The following CDH20 variants were observed in gnomAD, a reference collection of about 807,000 sequenced individuals.
CDH20 encodes the protein cadherin 20.
In CDH20, 29 loss-of-function variants were observed where a neutral mutation model predicts 74.2. That is an observed-to-expected ratio of 0.39 (90% CI 0.29 to 0.53). The LOEUF is 0.53. Among genes scored for constraint, CDH20 ranks in the 20% least tolerant of loss-of-function variants. The pLI, the probability that CDH20 is intolerant of heterozygous loss-of-function variation, is 0.69. For missense variants in CDH20, 988 were observed against 1,048.3 expected (o/e 0.94, Z 0.79); for synonymous variants, 469 against 405.4 (o/e 1.16, Z -1.88).
At chr18:61,471,211 A>G (rs1437400876) in intron 1 of CDH20, among the ~76,000 whole-genome samples, 1 of 152,190 alleles carries the variant, frequency 6.6e-6, no homozygotes, top group African/African-American at 2.4e-5. Context: ...ATGTTTGTAG[A>G]TAAGGTCACT....
At chr18:61,334,565 C>A (rs1047931621) in intron 1 of CDH20, among the ~76,000 whole-genome samples, 1 of 152,136 alleles carries the variant, frequency 6.6e-6, no homozygotes, top group African/African-American at 2.4e-5. Context: ...TCAAATGGGG[C>A]TAAAGTTTCA....
intron 1 of CDH20, among the ~76,000 whole-genome samples, chr18:61,461,652 C>A (rs757827660): frequency 2.6e-5 from 4 of 152,084 alleles, no homozygotes; most frequent in Non-Finnish European, 4.4e-5. Flanking sequence ...AATGCACAAA[C>A]AAAGCGAGGA....
chr18:61,464,498 C>T (rs1909896071), intron 1 of CDH20, among the ~76,000 whole-genome samples: 1 of 152,178 alleles, frequency 6.6e-6, no homozygotes, highest in Non-Finnish European at 1.5e-5. Context: ...CATGTCACTG[C>T]TAGCAAAGAC....
intron 7 of CDH20, among the ~76,000 whole-genome samples, chr18:61,533,447 C>A (rs1487483602): frequency 6.6e-6 from 1 of 152,184 alleles, no homozygotes. Context: ...GCCTGATATT[C>A]AGCAAATGGC....
intron 1 of CDH20, among the ~76,000 whole-genome samples, chr18:61,424,591 T>G (rs1017451080): frequency 6.6e-6 from 1 of 152,248 alleles, no homozygotes; most frequent in African/African-American, 2.4e-5. Flanking sequence ...AGAATTTGTA[T>G]GTACTAATTT....
intron 1 of CDH20, among the ~76,000 whole-genome samples, chr18:61,445,522 A>C (rs1909171164): frequency 6.6e-6 from 1 of 152,196 alleles, no homozygotes; most frequent in African/African-American, 2.4e-5. Flanking sequence ...ACAAGGTCCC[A>C]TTATTCTCAT....
At chr18:61,529,573 G>A (rs1286400135) in intron 7 of CDH20, among the ~76,000 whole-genome samples, 1 of 152,122 alleles carries the variant, frequency 6.6e-6, no homozygotes, top group African/African-American at 2.4e-5. Context: ...TATAAACTAG[G>A]ATGGGGAGAG....
At chr18:61,391,754 A>C (rs1004631092) in intron 1 of CDH20, 2 of 152,296 alleles carry the variant, frequency 1.3e-5, no homozygotes, top group African/African-American at 4.8e-5. Flanking sequence ...ATGAAAAAAA[A>C]ATACAAATGA....
intron 6 of CDH20, among the ~76,000 whole-genome samples, chr18:61,517,010 C>A (rs117144720): frequency 6.6e-6 from 1 of 152,056 alleles, no homozygotes; most frequent in East Asian, 1.9e-4. Context: ...TAAAAACTCA[C>A]GCTAGTGCTT....
intron 1 of CDH20, among the ~76,000 whole-genome samples, chr18:61,446,903 C>T (rs1234525085): frequency 1.3e-5 from 2 of 152,158 alleles, no homozygotes; most frequent in African/African-American, 2.4e-5. Context: ...AACCAAGTTG[C>T]CACATGTGGA....
chr18:61,497,519 C>T (rs1911214386), intron 2 of CDH20, among the ~76,000 whole-genome samples: 1 of 152,174 alleles, frequency 6.6e-6, no homozygotes, highest in South Asian at 2.1e-4. Context: ...TGCCTCTCTG[C>T]CACCCTCCTG....
At chr18:61,376,686 A>G (rs1911244427) in intron 1 of CDH20, among the ~76,000 whole-genome samples, 3 of 152,326 alleles carry the variant, frequency 2.0e-5, no homozygotes, top group Admixed American at 2.0e-4. Context: ...GAGAAAAGGT[A>G]CTCTGAAGAC....
chr18:61,552,385 CTAAT>C (rs886326754), intron 11 of CDH20, among the ~76,000 whole-genome samples: 1 of 150,970 alleles, frequency 6.6e-6, no homozygotes, highest in African/African-American at 2.4e-5. Context: ...TGTTATTTAC[CTAAT>C]TAGATTACCT....
At chr18:61,379,741 G>A (rs1911369205) in intron 1 of CDH20, among the ~76,000 whole-genome samples, 2 of 152,134 alleles carry the variant, frequency 1.3e-5, no homozygotes, top group African/African-American at 4.8e-5. Context: ...ATACAAAATA[G>A]TATTGTTGGA....
At chr18:61,334,212 C>T (rs953300661) in intron 1 of CDH20, 1 of 152,100 alleles carries the variant, frequency 6.6e-6, no homozygotes, top group Non-Finnish European at 1.5e-5. Flanking sequence ...GCTGGCCCCG[C>T]AGGCGGTGGC....
chr18:61,378,602 C>A (rs1742358309), intron 1 of CDH20, among the ~76,000 whole-genome samples: 2 of 152,114 alleles, frequency 1.3e-5, no homozygotes, highest in Admixed American at 1.3e-4. Flanking sequence ...TCCAGAAACA[C>A]CCTCATGAAG....
intron 4 of CDH20, among the ~76,000 whole-genome samples, chr18:61,501,179 C>T (rs991828947): frequency 6.6e-6 from 1 of 152,124 alleles, no homozygotes; most frequent in South Asian, 2.1e-4. Context: ...TCAGAGAGAA[C>T]TGAATGGGCG....
At chr18:61,388,752 G>A (rs1000780240) in intron 1 of CDH20, among the ~76,000 whole-genome samples, 12 of 152,150 alleles carry the variant, frequency 7.9e-5, no homozygotes, top group African/African-American at 2.9e-4. Flanking sequence ...ATTTTAGTCA[G>A]AGTCTTCCCT....
At chr18:61,342,470 A>G (rs1358462912) in intron 1 of CDH20, among the ~76,000 whole-genome samples, 1 of 152,200 alleles carries the variant, frequency 6.6e-6, no homozygotes, top group East Asian at 1.9e-4. Context: ...ACTCAGTTCT[A>G]CTGCTTCCTC....
Sources: allele counts gnomAD v4.1 joint callset (sites outside exome capture counted in the v4.1 genomes callset), GRCh38; gene constraint gnomAD v4.1.1; transcripts MANE v1.5; gene names NCBI Gene and HGNC (gene_info 2026-07-23, HGNC 2026-07-21).